KCNQ1OT1: variants seen among roughly 807,000 people sequenced by gnomAD.
KCNQ1OT1 encodes the protein KCNQ1 opposite strand/antisense transcript 1, also known as KCNQ1 antisense RNA 2 (non-protein coding).
At chr11:2,615,921 G>C (rs1175373774) in exon 1 of KCNQ1OT1, 1 of 397,978 alleles carries the variant, frequency 2.5e-6, no homozygotes, top group Non-Finnish European at 4.4e-6. Context: ...TTTTGGAAGA[G>C]TTTGAGAGGG....
chr11:2,631,236 T>C, exon 1 of KCNQ1OT1: 1 of 398,568 alleles, frequency 2.5e-6, no homozygotes, highest in Non-Finnish European at 4.4e-6. Flanking sequence ...ACTCTCCTGA[T>C]GGTGTCCCAT....
rs964709959 is a variant in KCNQ1OT1 at position 2,626,493 on chromosome 11, C to T, written n.73502G>A. The T allele has an allele frequency of 2.5e-6, 1 of 398,440 alleles. No homozygotes were observed. Among genetic ancestry groups the T allele is most frequent in the African/African-American group, 2.1e-5 (1 of 48,586 alleles). The allele number at this position is 398,440 out of a possible 1,614,324, so 24.7% of individuals were successfully genotyped here. Reference sequence around the variant, plus strand: ...TGGTCTCTACATCTTTATGTCAATACCACATAGTTTTGATTACTGTAGCTT... The same window carrying T: ...TGGTCTCTACATCTTTATGTCAATATCACATAGTTTTGATTACTGTAGCTT... On this transcript the variant is annotated non_coding_transcript_exon_variant, in exon 1 of 1. Transcript: ENST00000597346. The surrounding 1 kb of genome is among the most constrained non-coding windows in gnomAD (Gnocchi z 4.0).
rs1850349150 is a variant in KCNQ1OT1 at position 2,679,411 on chromosome 11, G to A, written n.20584C>T. The A allele has an allele frequency of 7.5e-6, 3 of 398,626 alleles. No homozygotes were observed. Among genetic ancestry groups the A allele is most frequent in the Non-Finnish European group, 1.3e-5 (3 of 226,068 alleles). The allele number at this position is 398,626 out of a possible 1,614,324, so 24.7% of individuals were successfully genotyped here. A position where few individuals can be genotyped will look rare whatever the true frequency, so the allele number is the denominator to read the frequency against. On this transcript the variant is annotated non_coding_transcript_exon_variant, in exon 1 of 1. Coordinates refer to ENST00000597346, the Ensembl canonical transcript of KCNQ1OT1. The surrounding 1 kb of genome is among the most constrained non-coding windows in gnomAD (Gnocchi z 4.8). ...TTTATTTGTAAAATGGGAATCATAA[G>A]AGTACCTTCCTCAGAGGGTTGTTAG...
rs767809896 is a variant in KCNQ1OT1, at chr11:2,671,367, A to G, written n.28628T>C. On this transcript the variant is annotated non_coding_transcript_exon_variant, in exon 1 of 1. Coordinates refer to ENST00000597346, the Ensembl canonical transcript of KCNQ1OT1. This position sits in a 1 kb window ranked among gnomAD's most constrained non-coding sequence, Gnocchi z 4.7. The stretch of plus-strand genomic sequence containing the variant: ...AAGATGACACTGGGAATATCCTGAA[A>G]AAGGTACAGGAACACCTGGCATGCC... 1.3e-5 allele frequency: 5 copies of G among 398,402 alleles called. No homozygotes were observed. The highest frequency in any genetic ancestry group is 2.5e-4 in the South Asian group (2 of 7,854). 24.7% of individuals were successfully genotyped at this position (398,402 alleles called of 1,614,324 possible).
At chr11:2,685,304 C>T (rs1850467011) in exon 1 of KCNQ1OT1, 5 of 398,514 alleles carry the variant, frequency 1.3e-5, no homozygotes, top group African/African-American at 2.1e-5. Flanking sequence ...CACAGAGTAT[C>T]GATCTGTCTG....
chr11:2,635,022 T>C (rs1849435426), exon 1 of KCNQ1OT1: 1 of 152,242 alleles, frequency 6.6e-6, no homozygotes, highest in Non-Finnish European at 1.5e-5. Flanking sequence ...CACTTTTTGA[T>C]AGGGTTGTTT....
rs1456662581 is a variant in KCNQ1OT1, at chr11:2,698,397, G to A, written n.1598C>T. The A allele has an allele frequency of 2.5e-6, 1 of 398,106 alleles. No individual in the cohort carries two copies. Among genetic ancestry groups the A allele is most frequent in the African/African-American group, 2.1e-5 (1 of 48,428 alleles). The allele number at this position is 398,106 out of a possible 1,614,324, so 24.7% of individuals were successfully genotyped here. On this transcript the variant is annotated non_coding_transcript_exon_variant, in exon 1 of 1. Coordinates refer to ENST00000597346, the Ensembl canonical transcript of KCNQ1OT1. This position sits in a 1 kb window ranked among gnomAD's most constrained non-coding sequence, Gnocchi z 5.1. ...GCTCAGGGACCACAGTGGGGTACTG[G>A]GATCTGAACATAGTGGTGGCCCTTC...
At chr11:2,630,088 T>G (rs1473892178) in exon 1 of KCNQ1OT1, 1 of 398,416 alleles carries the variant, frequency 2.5e-6, no homozygotes, top group East Asian at 3.6e-5. Flanking sequence ...TTGCAGTACA[T>G]TCCTTCTATA....
In KCNQ1OT1 at chr11:2,664,002, G is replaced by A. The variant is rs1850017159; in HGVS notation, n.35993C>T. 5.0e-6 allele frequency: 2 copies of A among 398,732 alleles called. No homozygotes were observed. Among genetic ancestry groups the A allele is most frequent in the Non-Finnish European group, 8.8e-6 (2 of 226,142 alleles). 24.7% of individuals were successfully genotyped at this position (398,732 alleles called of 1,614,324 possible). On this transcript the variant is annotated non_coding_transcript_exon_variant, in exon 1 of 1. Coordinates refer to ENST00000597346, the Ensembl canonical transcript of KCNQ1OT1. The surrounding 1 kb of genome is among the most constrained non-coding windows in gnomAD (Gnocchi z 5.1). ...CAAGCTCTCTGCCCACTTTGGGTCTGGCACATTACCATTCTGCAAGATCCT... is the reference window on the plus strand; with the variant it reads ...CAAGCTCTCTGCCCACTTTGGGTCTAGCACATTACCATTCTGCAAGATCCT...
In KCNQ1OT1 at chr11:2,676,405, T is replaced by G. The variant is rs983621213; in HGVS notation, n.23590A>C. On this transcript the variant is annotated non_coding_transcript_exon_variant, in exon 1 of 1. Coordinates refer to ENST00000597346, the Ensembl canonical transcript of KCNQ1OT1. The surrounding 1 kb of genome is among the most constrained non-coding windows in gnomAD (Gnocchi z 4.2). ...ATAGTCTCTGTGTTCAGCTAGAGAT[T>G]TAGCCCAATGGGCTGGGCTTTTCCC... is the stretch of plus-strand genomic sequence containing the variant. 2 of 398,652 alleles carry G rather than the reference T, an allele frequency of 5.0e-6. No homozygotes were observed. The highest frequency in any genetic ancestry group is 4.4e-6 in the Non-Finnish European group (1 of 226,080). The allele number at this position is 398,652 out of a possible 1,614,324, so 24.7% of individuals were successfully genotyped here.
In KCNQ1OT1 at chr11:2,642,094, G is replaced by A. The variant is rs1050936634; in HGVS notation, n.57901C>T. On this transcript the variant is annotated non_coding_transcript_exon_variant, in exon 1 of 1. Transcript: ENST00000597346. This position sits in a 1 kb window ranked among gnomAD's most constrained non-coding sequence, Gnocchi z 4.3. ...TGTTATTTTTGCTCAGAATTGCTGT[G>A]GCTATTCCAGCTCTTTTTTGGTTCC... 3 of 398,274 alleles carry A rather than the reference G, an allele frequency of 7.5e-6. No homozygotes were observed. The highest frequency in any genetic ancestry group is 8.9e-6 in the Non-Finnish European group (2 of 225,926). 24.7% of individuals were successfully genotyped at this position (398,274 alleles called of 1,614,324 possible).
rs914475492 is a variant in KCNQ1OT1, at chr11:2,676,996, C to G, written n.22999G>C. 1.0e-5 allele frequency: 4 copies of G among 398,604 alleles called. No individual in the cohort carries two copies. The highest frequency in any genetic ancestry group is 1.8e-5 in the Non-Finnish European group (4 of 226,054). The allele number at this position is 398,604 out of a possible 1,614,324, so 24.7% of individuals were successfully genotyped here. A position where few individuals can be genotyped will look rare whatever the true frequency, so the allele number is the denominator to read the frequency against. ...CTTTTCATTAACAGCTGCAGAGTTT[C>G]ATTGTGCCATGATTTATGGAACAGA... On this transcript the variant is annotated non_coding_transcript_exon_variant, in exon 1 of 1. Coordinates refer to ENST00000597346, the Ensembl canonical transcript of KCNQ1OT1. This position sits in a 1 kb window ranked among gnomAD's most constrained non-coding sequence, Gnocchi z 4.2.
At position 2,658,817 on chromosome 11, in the gene KCNQ1OT1, A is replaced by G; in HGVS notation, n.41178T>C. The G allele has an allele frequency of 2.5e-6, 1 of 398,488 alleles. No individual in the cohort carries two copies. Among genetic ancestry groups the G allele is most frequent in the Admixed American group, 4.4e-5 (1 of 22,722 alleles). The allele number at this position is 398,488 out of a possible 1,614,324, so 24.7% of individuals were successfully genotyped here. A position where few individuals can be genotyped will look rare whatever the true frequency, so the allele number is the denominator to read the frequency against. On this transcript the variant is annotated non_coding_transcript_exon_variant, in exon 1 of 1. Transcript: ENST00000597346. The surrounding 1 kb of genome is among the most constrained non-coding windows in gnomAD (Gnocchi z 4.9). ...TTGCCCCCTCCCCCACAACTTATTTATAGCTTTTTCTCTGACAGCTAGAAA... is the reference window on the plus strand; with the variant it reads ...TTGCCCCCTCCCCCACAACTTATTTGTAGCTTTTTCTCTGACAGCTAGAAA...
chr11:2,632,843 A>G (rs1054799346), exon 1 of KCNQ1OT1: 3 of 398,308 alleles, frequency 7.5e-6, no homozygotes, highest in African/African-American at 6.2e-5. Flanking sequence ...AGTTGATTCC[A>G]TATCTTAACT....
chr11:2,653,614 A>G lies in KCNQ1OT1; in HGVS notation n.46381T>C. 2.5e-6 allele frequency: 1 copy of G among 398,466 alleles called. No homozygotes were observed. Among genetic ancestry groups the G allele is most frequent in the East Asian group, 3.6e-5 (1 of 28,060 alleles). The allele number at this position is 398,466 out of a possible 1,614,324, so 24.7% of individuals were successfully genotyped here. ...GCTCTCTATCCATTGGCCCCATGGGATGGCTGTATCCTTAGGCAGCTACTT... is the reference window on the plus strand; with the variant it reads ...GCTCTCTATCCATTGGCCCCATGGGGTGGCTGTATCCTTAGGCAGCTACTT... On this transcript the variant is annotated non_coding_transcript_exon_variant, in exon 1 of 1. Transcript: ENST00000597346. This position sits in a 1 kb window ranked among gnomAD's most constrained non-coding sequence, Gnocchi z 5.3.
exon 1 of KCNQ1OT1, chr11:2,616,644 CAAT>C: frequency 2.5e-6 from 1 of 398,198 alleles, no homozygotes; most frequent in Non-Finnish European, 4.4e-6. Context: ...TTCTTTGACA[CAAT>C]AATTTTTAAA....
rs1334567897 is a variant in KCNQ1OT1, at chr11:2,695,468, G to A, written n.4527C>T. The stretch of plus-strand genomic sequence containing the variant: ...GTGTCACTCAGCACTGTGTTTCCAC[G>A]CGTCTCTATCTTGTGAAGTGTACAT... On this transcript the variant is annotated non_coding_transcript_exon_variant, in exon 1 of 1. Transcript: ENST00000597346. This position sits in a 1 kb window ranked among gnomAD's most constrained non-coding sequence, Gnocchi z 5.2. 7.5e-6 allele frequency: 3 copies of A among 398,434 alleles called. No homozygotes were observed. The highest frequency in any genetic ancestry group is 1.3e-4 in the South Asian group (1 of 7,844). The allele number at this position is 398,434 out of a possible 1,614,324, so 24.7% of individuals were successfully genotyped here.
rs558665148 is a variant in KCNQ1OT1, at chr11:2,667,070, G to A, written n.32925C>T. The A allele has an allele frequency of 2.9e-4, 115 of 398,530 alleles. 1 individual carries two copies. Among genetic ancestry groups the A allele is most frequent in the Non-Finnish European group, 4.5e-4 (102 of 226,104 alleles). 24.7% of individuals were successfully genotyped at this position (398,530 alleles called of 1,614,324 possible). The stretch of plus-strand genomic sequence containing the variant: ...GCTCAAACCCGTCTCTGAAATGCAC[G>A]GGGGGATTAAATGTTCTTCTAATTA... On this transcript the variant is annotated non_coding_transcript_exon_variant, in exon 1 of 1. Transcript: ENST00000597346.
In KCNQ1OT1 at chr11:2,642,031, TTA is replaced by T. The variant is rs1218795506; in HGVS notation, n.57962_57963del. 10 of 398,224 alleles carry T rather than the reference TTA, an allele frequency of 2.5e-5. No individual in the cohort carries two copies. The highest frequency in any genetic ancestry group is 2.2e-5 in the Non-Finnish European group (5 of 225,882). The allele number at this position is 398,224 out of a possible 1,614,324, so 24.7% of individuals were successfully genotyped here. A position where few individuals can be genotyped will look rare whatever the true frequency, so the allele number is the denominator to read the frequency against. On this transcript the variant is annotated non_coding_transcript_exon_variant, in exon 1 of 1. Transcript: ENST00000597346. This position sits in a 1 kb window ranked among gnomAD's most constrained non-coding sequence, Gnocchi z 4.3. ...CCATGCTGCTTTTAATGCTATAGCC[TTA>T]TATTTTTAAATCAGGCAGTGTGATG...
Sources: gnomAD v4.1 joint callset for allele counts on GRCh38, gnomAD v4.1.1 for gene constraint, Gnocchi (gnomAD v3.1) non-coding constraint, MANE v1.5 for transcripts, NCBI Gene and HGNC (gene_info 2026-07-23, HGNC 2026-07-21) for gene names.